Variants in LRRTM4 observed in about 807,000 individuals in gnomAD.
LRRTM4 encodes the protein leucine-rich repeat transmembrane neuronal protein 4.
In LRRTM4, 25 loss-of-function variants were observed where a neutral mutation model predicts 47.6. The ratio of observed to expected loss-of-function variants is 0.53; its 90% confidence interval spans 0.38 to 0.73. LRRTM4 has a LOEUF of 0.73. LRRTM4 is among the 30% of genes least tolerant of loss of function. The pLI, the probability that LRRTM4 is intolerant of heterozygous loss-of-function variation, is 0.00. For synonymous variants in LRRTM4, 311 were observed against 269.5 expected, an observed-to-expected ratio of 1.15 and a Z score of -1.51; for missense variants, 638 against 713.4, an observed-to-expected ratio of 0.89 and a Z score of 1.20.
chr2:76,793,881 CTAGGGA>C (rs1675113845), intron 3 of LRRTM4, among the ~76,000 whole-genome samples: 1 of 152,138 alleles, frequency 6.6e-6, no homozygotes, highest in Non-Finnish European at 1.5e-5. Context: ...TTCGTATGAT[CTAGGGA>C]ATACAGTATT....
intron 3 of LRRTM4, among the ~76,000 whole-genome samples, chr2:76,920,041 T>A (rs76990632): frequency 0.017 from 2,514 of 152,216 alleles, 104 homozygotes; most frequent in East Asian, 0.13. Context: ...AATAAATGTA[T>A]TGAATGTTCT....
At chr2:77,141,673 G>C (rs13432381) in intron 3 of LRRTM4, among the ~76,000 whole-genome samples, 2 of 152,118 alleles carry the variant, frequency 1.3e-5, no homozygotes, top group African/African-American at 4.8e-5. Flanking sequence ...TTCAATGTAG[G>C]TAGAGGACTC....
intron 3 of LRRTM4, among the ~76,000 whole-genome samples, chr2:76,890,248 C>G (rs1488273291): frequency 6.6e-6 from 1 of 151,878 alleles, no homozygotes; most frequent in African/African-American, 2.4e-5. Flanking sequence ...AATTAGAATC[C>G]AGGTCTCATG....
intron 3 of LRRTM4, among the ~76,000 whole-genome samples, chr2:77,444,774 T>C (rs1488676081): frequency 2.6e-5 from 4 of 152,050 alleles, no homozygotes; most frequent in African/African-American, 4.8e-5. Flanking sequence ...TCAATCTCCA[T>C]ACTTCCACTT....
intron 3 of LRRTM4, among the ~76,000 whole-genome samples, chr2:77,325,785 A>G (rs1380024180): frequency 1.3e-5 from 2 of 152,192 alleles, no homozygotes; most frequent in Non-Finnish European, 2.9e-5. Context: ...TCTGCAGCCC[A>G]TCAGCTTTAT....
rs370402494 is a variant in LRRTM4 at position 76,749,465 on chromosome 2, CTTTT to C, written c.1552-553_1552-550del. 1.2e-3 allele frequency among the ~76,000 whole-genome samples: 175 copies of C among 152,052 alleles called. 1 individual carries two copies. In the South Asian group the frequency reaches 0.034, roughly 29 times the overall value. Reference sequence around the variant, plus strand: ...AAATCTTTACTATCATCATGTGTAACTTTTATTTAGTTTTAAAAAATAATCACAA... The same window carrying C: ...AAATCTTTACTATCATCATGTGTAACATTTAGTTTTAAAAAATAATCACAA... On this transcript the variant is annotated intron_variant, in intron 3 of 3. Coordinates refer to ENST00000409884, the MANE Select transcript of LRRTM4 (RefSeq NM_001134745.3).
intron 3 of LRRTM4, among the ~76,000 whole-genome samples, chr2:77,432,766 T>G (rs1306349083): frequency 2.6e-5 from 4 of 152,236 alleles, no homozygotes; most frequent in Non-Finnish European, 5.9e-5. Context: ...CCCAAACTCA[T>G]GTATACCCCA....
chr2:77,385,433 T>C (rs1673222662), intron 3 of LRRTM4, among the ~76,000 whole-genome samples: 1 of 152,148 alleles, frequency 6.6e-6, no homozygotes, highest in African/African-American at 2.4e-5. Flanking sequence ...TCTTAGCCAT[T>C]GTTGGCTTTG....
intron 3 of LRRTM4, among the ~76,000 whole-genome samples, chr2:77,427,780 T>G (rs935279614): frequency 6.6e-6 from 1 of 152,228 alleles, no homozygotes; most frequent in Non-Finnish European, 1.5e-5. Flanking sequence ...GAGTTAAAAT[T>G]CTTTGCTTAT....
intron 3 of LRRTM4, among the ~76,000 whole-genome samples, chr2:76,980,021 GT>G (rs1368905773): frequency 1.3e-5 from 2 of 152,016 alleles, no homozygotes; most frequent in East Asian, 3.9e-4. Flanking sequence ...CTAGACCCAA[GT>G]TCAGCCAATC....
chr2:76,842,328 G>C (rs1435227992), intron 3 of LRRTM4, among the ~76,000 whole-genome samples: 2 of 152,180 alleles, frequency 1.3e-5, no homozygotes, highest in Non-Finnish European at 2.9e-5. Flanking sequence ...TCAGTTGGCA[G>C]ATGACAGATA....
intron 3 of LRRTM4, among the ~76,000 whole-genome samples, chr2:76,971,767 C>G (rs541664593): frequency 5.9e-5 from 9 of 151,764 alleles, no homozygotes; most frequent in African/African-American, 1.9e-4. Flanking sequence ...TTCAAAGTTC[C>G]ACTGATGCAT....
chr2:77,274,536 A>G (rs1676290114), intron 3 of LRRTM4, among the ~76,000 whole-genome samples: 1 of 152,172 alleles, frequency 6.6e-6, no homozygotes, highest in Non-Finnish European at 1.5e-5. Flanking sequence ...GTGTATTTAA[A>G]GACTACAATT....
At chr2:77,397,860 GAT>G (rs1428461106) in intron 3 of LRRTM4, among the ~76,000 whole-genome samples, 3 of 151,838 alleles carry the variant, frequency 2.0e-5, no homozygotes, top group African/African-American at 7.2e-5. Context: ...CATTGGTAGT[GAT>G]GGTTCCCATT....
rs147662587 is a variant in LRRTM4, at chr2:77,498,670, T to G, written c.1551+19648A>C. Among the ~76,000 whole-genome samples the G allele has an allele frequency of 9.9e-5, 15 of 151,958 alleles. No homozygotes were observed. The East Asian group carries it at 2.5e-3, about 26-fold the overall frequency. On this transcript the variant is annotated intron_variant, in intron 3 of 3. Coordinates refer to ENST00000409884, the MANE Select transcript of LRRTM4 (RefSeq NM_001134745.3). ...GTGAGATAGTGTATTTTCTCTAGCA[T>G]GTACTTACTTACTCCTAACATTGCC...
At chr2:77,194,540 A>C (rs1673760693) in intron 3 of LRRTM4, among the ~76,000 whole-genome samples, 1 of 152,170 alleles carries the variant, frequency 6.6e-6, no homozygotes, top group African/African-American at 2.4e-5. Context: ...AATCTCTAGA[A>C]GTTTCTATCA....
chr2:76,863,732 T>C (rs553826663), intron 3 of LRRTM4, among the ~76,000 whole-genome samples: 3 of 152,286 alleles, frequency 2.0e-5, no homozygotes, highest in Non-Finnish European at 2.9e-5. Flanking sequence ...TCCATATTAA[T>C]AGAAAATGGA....
intron 3 of LRRTM4, among the ~76,000 whole-genome samples, chr2:77,175,645 A>C (rs1165970347): frequency 6.6e-6 from 1 of 152,086 alleles, no homozygotes; most frequent in East Asian, 1.9e-4. Context: ...TCTTTGTTGG[A>C]TTACCAAAAA....
At chr2:76,992,472 A>G (rs769868147) in intron 3 of LRRTM4, among the ~76,000 whole-genome samples, 10 of 151,648 alleles carry the variant, frequency 6.6e-5, no homozygotes, top group Admixed American at 1.3e-4. Context: ...TCAGTGTTGT[A>G]TCTATATACA....
Sources: gnomAD v4.1 joint callset for allele counts (sites outside exome capture counted in the v4.1 genomes callset) on GRCh38, gnomAD v4.1.1 for gene constraint, MANE v1.5 for transcripts, NCBI Gene and HGNC (gene_info 2026-07-23, HGNC 2026-07-21) for gene names.